The following KCNMA1 variants were observed in gnomAD, a reference collection of about 807,000 sequenced individuals.
KCNMA1 encodes potassium calcium-activated channel subfamily M alpha 1.
In KCNMA1, 29 loss-of-function variants were observed where a neutral mutation model predicts 140.0. The observed-to-expected ratio is 0.21, with a 90% CI of 0.15 to 0.28. The LOEUF is 0.28. Ranked by LOEUF, KCNMA1 falls within the 10% of genes least tolerant of loss-of-function variation. KCNMA1 has a pLI of 1.00. For synonymous variants in KCNMA1, 612 were observed against 611.9 expected (o/e 1.00, Z 0.00); for missense variants, 880 against 1,602.2 (o/e 0.55, Z 7.70).
At chr10:77,248,952 A>G (rs973634382) in intron 3 of KCNMA1, among the ~76,000 whole-genome samples, 1 of 152,194 alleles carries the variant, frequency 6.6e-6, no homozygotes, top group Non-Finnish European at 1.5e-5. Context: ...ATATGCTCTC[A>G]GAACAAAATG....
chr10:77,417,340 G>A (rs1394805414), intron 1 of KCNMA1, among the ~76,000 whole-genome samples: 1 of 114,364 alleles, frequency 8.7e-6, no homozygotes, highest in African/African-American at 2.7e-5. Context: ...AAAGTGTTTG[G>A]CATACAGCAA....
intron 22 of KCNMA1, among the ~76,000 whole-genome samples, chr10:76,947,071 A>G (rs566874502): frequency 4.6e-5 from 7 of 152,166 alleles, no homozygotes; most frequent in Non-Finnish European, 2.9e-5. Context: ...GCGGTGGCTG[A>G]TGCCTGTAAT....
At chr10:76,972,458 A>G (rs1164261674) in intron 19 of KCNMA1, among the ~76,000 whole-genome samples, 1 of 152,178 alleles carries the variant, frequency 6.6e-6, no homozygotes, top group Non-Finnish European at 1.5e-5. Context: ...TTGGGCCTAT[A>G]ACAAATAATC....
chr10:77,390,147 G>A (rs548664810), intron 2 of KCNMA1, among the ~76,000 whole-genome samples: 2 of 152,272 alleles, frequency 1.3e-5, no homozygotes, highest in East Asian at 3.9e-4. Context: ...ACGAACTACT[G>A]AAAAACTACT....
At chr10:77,436,304 A>G (rs186845620) in intron 1 of KCNMA1, among the ~76,000 whole-genome samples, 35 of 152,364 alleles carry the variant, frequency 2.3e-4, no homozygotes, top group African/African-American at 7.9e-4. Context: ...GTTGAATTCA[A>G]GGCGTACCAA....
At position 77,469,339 on chromosome 10, in the gene KCNMA1, C is replaced by T. The variant is rs16934848; in HGVS notation, c.379-65316G>A. Among the ~76,000 whole-genome samples, 1,298 of 152,284 alleles carry T rather than the reference C, an allele frequency of 8.5e-3. 21 individuals are homozygous for T. Among genetic ancestry groups the T allele is most frequent in the African/African-American group, 0.03 (1,251 of 41,542 alleles). ...GATTTCTGGTCAAGACGTCCACCTT[C>T]AAGATGAGGTGAAGAGCAGACACCA... is the stretch of plus-strand genomic sequence containing the variant. On this transcript the variant is annotated intron_variant, in intron 1 of 27. Coordinates refer to ENST00000286628, the MANE Select transcript of KCNMA1 (RefSeq NM_001161352.2).
intron 5 of KCNMA1, among the ~76,000 whole-genome samples, chr10:77,151,004 C>G (rs1285324421): frequency 2.6e-5 from 4 of 152,112 alleles, no homozygotes; most frequent in Non-Finnish European, 2.9e-5. Context: ...CTGGAGGTCA[C>G]TCAGTAACAA....
At chr10:77,160,254 C>A (rs889610621) in intron 5 of KCNMA1, among the ~76,000 whole-genome samples, 2 of 152,156 alleles carry the variant, frequency 1.3e-5, no homozygotes, top group African/African-American at 4.8e-5. Flanking sequence ...TCACACCAGT[C>A]CACTTCCTGG....
intron 5 of KCNMA1, among the ~76,000 whole-genome samples, chr10:77,179,236 A>G (rs1434335392): frequency 6.6e-6 from 1 of 152,226 alleles, no homozygotes; most frequent in Non-Finnish European, 1.5e-5. Context: ...GCGACCCATC[A>G]GCAAACAGTT....
chr10:77,381,785 T>G (rs942930254), intron 2 of KCNMA1, among the ~76,000 whole-genome samples: 3 of 152,184 alleles, frequency 2.0e-5, no homozygotes, highest in African/African-American at 7.2e-5. Context: ...TGAGCCCTTC[T>G]TCCCCACAGA....
At chr10:77,584,891 A>G (rs988422168) in intron 1 of KCNMA1, among the ~76,000 whole-genome samples, 1 of 152,200 alleles carries the variant, frequency 6.6e-6, no homozygotes, top group Non-Finnish European at 1.5e-5. Flanking sequence ...CTGTTCCAGC[A>G]TCACCTCCAG....
intron 14 of KCNMA1, among the ~76,000 whole-genome samples, chr10:77,062,569 C>T (rs1045495148): frequency 6.6e-6 from 1 of 152,154 alleles, no homozygotes; most frequent in Non-Finnish European, 1.5e-5. Context: ...CAGTTGCGTC[C>T]CTTGGCTTGA....
At chr10:77,224,210 G>A (rs1455396217) in intron 3 of KCNMA1, among the ~76,000 whole-genome samples, 1 of 152,224 alleles carries the variant, frequency 6.6e-6, no homozygotes, top group East Asian at 1.9e-4. Flanking sequence ...ATTTATTCCA[G>A]TTTCTGTCCT....
intron 20 of KCNMA1, among the ~76,000 whole-genome samples, chr10:76,955,225 G>T (rs1006651939): frequency 3.4e-5 from 5 of 146,788 alleles, no homozygotes; most frequent in African/African-American, 1.3e-4. Flanking sequence ...ACAGAGTCTC[G>T]CTCTGCAGAG....
In KCNMA1 at chr10:77,606,408, G is replaced by A. The variant is rs369087495; in HGVS notation, c.378+30857C>T. The stretch of plus-strand genomic sequence containing the variant: ...GTGCTTTGGGAGGCCAAGAGGGGAC[G>A]ATCGCTTGAGGCTGGGAGTTCAAGA... On this transcript the variant is annotated intron_variant, in intron 1 of 27. Transcript: ENST00000286628. Among the ~76,000 whole-genome samples, 33 of 152,250 alleles carry A rather than the reference G, an allele frequency of 2.2e-4. No individual in the cohort carries two copies. The South Asian group carries it at 5.6e-3, about 26-fold the overall frequency.
At chr10:77,323,479 TGA>T (rs139950458) in intron 2 of KCNMA1, among the ~76,000 whole-genome samples, 230 of 152,214 alleles carry the variant, frequency 1.5e-3, no homozygotes, top group African/African-American at 5.1e-3. Flanking sequence ...GGAACCCAGT[TGA>T]GAGTCTGAAG....
intron 20 of KCNMA1, among the ~76,000 whole-genome samples, chr10:76,960,876 C>G (rs2153058488): frequency 6.6e-6 from 1 of 151,934 alleles, no homozygotes; most frequent in African/African-American, 2.4e-5. Context: ...GCTGTTGAGA[C>G]CTACTGCTCA....
At chr10:76,941,256 C>G (rs1004359395) in intron 23 of KCNMA1, among the ~76,000 whole-genome samples, 6 of 151,758 alleles carry the variant, frequency 4.0e-5, no homozygotes, top group Non-Finnish European at 1.5e-5. Context: ...CCTTTTTGTT[C>G]CCCATAATCC....
intron 19 of KCNMA1, among the ~76,000 whole-genome samples, chr10:76,999,126 A>G (rs977078596): frequency 6.6e-6 from 1 of 152,238 alleles, no homozygotes; most frequent in Non-Finnish European, 1.5e-5. Flanking sequence ...TTCTTAGAGA[A>G]TGGGACAATC....
Sources: allele counts gnomAD v4.1 joint callset (sites outside exome capture counted in the v4.1 genomes callset), GRCh38; gene constraint gnomAD v4.1.1; transcripts MANE v1.5; gene names NCBI Gene and HGNC (gene_info 2026-07-23, HGNC 2026-07-21).